Variants in FBXO9 observed in about 807,000 individuals in gnomAD.
The protein encoded by FBXO9 is F-box protein 9.
A neutral mutation model predicts 63.7 loss-of-function variants in FBXO9; 43 were observed. The observed-to-expected ratio is 0.67, with a 90% CI of 0.53 to 0.87. The LOEUF is 0.87. Among genes scored for constraint, FBXO9 ranks in the 40% least tolerant of loss-of-function variants. FBXO9 has a pLI of 0.00. For missense variants in FBXO9, 442 were observed against 533.2 expected, an observed-to-expected ratio of 0.83 and a Z score of 1.68; for synonymous variants, 156 against 171.7, an observed-to-expected ratio of 0.91 and a Z score of 0.72.
Position 53,066,167 on chromosome 6 carries a change from C to T in FBXO9, c.3+375C>T, listed in dbSNP as rs773408479. On this transcript the variant is annotated intron_variant, in intron 1 of 12. Coordinates refer to ENST00000323557, the MANE Select transcript of FBXO9 (RefSeq NM_033480.3). ...TAGATTGAGGTAAGCTGTCACAGCG[C>T]CTGAATTCGGGAGGGAGCTCTGGCA... 1.9e-5 allele frequency: 20 copies of T among 1,041,546 alleles called. No individual in the cohort carries two copies. In the African/African-American group the frequency reaches 3.0e-4, roughly 16 times the overall value. The allele number at this position is 1,041,546 out of a possible 1,614,324, so 64.5% of individuals were successfully genotyped here. A position where few individuals can be genotyped will look rare whatever the true frequency, so the allele number is the denominator to read the frequency against.
chr6:53,068,826 T>A (rs1015203855), intron 1 of FBXO9, among the ~76,000 whole-genome samples: 2 of 152,122 alleles, frequency 1.3e-5, no homozygotes, highest in African/African-American at 4.8e-5. Flanking sequence ...ATTTTTGTAT[T>A]TTTTGTAGAG....
intron 1 of FBXO9, 162 bp from the exon 2 acceptor site, chr6:53,070,894 AG>A (rs1346147144): frequency 9.3e-7 from 1 of 1,074,734 alleles, no homozygotes; most frequent in African/African-American, 1.6e-5. Context: ...GGAAATTAAT[AG>A]TAAGGTCTCA....
At chr6:53,075,329 T>C (rs1769058382) in intron 3 of FBXO9, among the ~76,000 whole-genome samples, 1 of 150,908 alleles carries the variant, frequency 6.6e-6, no homozygotes, top group Admixed American at 6.6e-5. Flanking sequence ...AATTTGTATT[T>C]TGTATCTAGA....
chr6:53,076,489 C>A lies in FBXO9; in HGVS notation c.253C>A (p.Arg85=), dbSNP rs758746221. The part of the protein sequence containing the change: ...KQEQAKEEKA[R]ELFLKAVEEE... ...TTTTTACTTTATATTTTTATAGGCT[C>A]GAGAACTCTTCCTAAAAGCAGTAGA... The change falls in exon 4 of 13, where the codon CGA becomes AGA. Residue 85 remains arginine, a synonymous_variant. Coordinates refer to ENST00000323557, the MANE Select transcript of FBXO9 (RefSeq NM_033480.3). 2 of 1,540,306 alleles carry A rather than the reference C, an allele frequency of 1.3e-6. No homozygotes were observed. The highest frequency in any genetic ancestry group is 2.8e-5 in the African/African-American group (2 of 70,238).
chr6:53,097,786 G>A lies in FBXO9; in HGVS notation c.1270G>A (p.Ala424Thr), dbSNP rs1290789368. The A allele has an allele frequency of 7.5e-6, 12 of 1,608,570 alleles. No individual in the cohort carries two copies. Among genetic ancestry groups the A allele is most frequent in the African/African-American group, 1.3e-5 (1 of 74,382 alleles). Residue 424 changes from alanine to threonine, a missense_variant, in exon 13 of 13, where the codon GCC (alanine) becomes ACC (threonine). By Grantham distance (58) the Ala-to-Thr change is moderately conservative. Transcript: ENST00000323557. ...IDKMYTPLFF[A>T]RVRSYTAFSE... The stretch of plus-strand genomic sequence containing the variant: ...CAAGATGTACACCCCCTTGTTCTTC[G>A]CCAGAGTAAGGAGCTACACAGCTTT...
intron 12 of FBXO9, among the ~76,000 whole-genome samples, chr6:53,097,066 C>T (rs144252678): frequency 5.3e-4 from 80 of 152,166 alleles, no homozygotes; most frequent in Non-Finnish European, 1.0e-3. Context: ...ACATTGACTT[C>T]CTTGTAATAT....
Position 53,080,970 on chromosome 6 carries a change from T to C in FBXO9, c.410T>C (p.Ile137Thr). 1 of 1,613,716 alleles carries C rather than the reference T, an allele frequency of 6.2e-7. No individual in the cohort carries two copies. Residue 137 changes from isoleucine (I) to threonine (T), a missense_variant and splice_region_variant, in exon 6 of 13, where the codon ATT becomes ACT. Physicochemically the swap from Ile to Thr is moderately conservative, Grantham distance 89. Around this residue, in one of 2 missense-constraint regions of FBXO9, gnomAD observed 180 missense variants for 171.1 expected, o/e 1.05. Coordinates refer to ENST00000323557, the MANE Select transcript of FBXO9 (RefSeq NM_033480.3). ...TTTATTCACCTCCCTTTTTTCAGCA[T>C]TGAAGATAATGATGATGACAGCAAA... ...PDGDGVGNSY[I>T]EDNDDDSKMA...
At position 53,065,802 on chromosome 6, in the gene FBXO9, C is replaced by A. The variant is rs919433017; in HGVS notation, c.3+10C>A. ...CCGCCCCGCCAGCATGGTAACCTGGCCAGGGGGCTCGAGGGTGGACGCCGC... is the reference window on the plus strand; with the variant it reads ...CCGCCCCGCCAGCATGGTAACCTGGACAGGGGGCTCGAGGGTGGACGCCGC... On this transcript the variant is annotated intron_variant, in intron 1 of 12. Coordinates refer to ENST00000323557, the MANE Select transcript of FBXO9 (RefSeq NM_033480.3). 1 of 1,368,874 alleles carries A rather than the reference C, an allele frequency of 7.3e-7. No homozygotes were observed. Among genetic ancestry groups the A allele is most frequent in the Non-Finnish European group, 9.4e-7 (1 of 1,059,454 alleles). The allele number at this position is 1,368,874 out of a possible 1,614,324, so 84.8% of individuals were successfully genotyped here. A position where few individuals can be genotyped will look rare whatever the true frequency, so the allele number is the denominator to read the frequency against.
At chr6:53,086,081 G>A (rs1237764481) in intron 7 of FBXO9, among the ~76,000 whole-genome samples, 2 of 152,186 alleles carry the variant, frequency 1.3e-5, no homozygotes, top group Admixed American at 6.5e-5. Context: ...CCCGGTAGGC[G>A]GAGGTTGCGG....
At chr6:53,070,013 T>C (rs1768852787) in intron 1 of FBXO9, among the ~76,000 whole-genome samples, 1 of 150,096 alleles carries the variant, frequency 6.7e-6, no homozygotes, top group Non-Finnish European at 1.5e-5. Context: ...TCTTTTCTTT[T>C]TTCCTTTTTT....
chr6:53,092,084 G>A, intron 7 of FBXO9: 1 of 218,678 alleles, frequency 4.6e-6, no homozygotes, highest in Non-Finnish European at 9.2e-6. Flanking sequence ...CCTTGCACAT[G>A]CTCTGGTTGC....
intron 7 of FBXO9, among the ~76,000 whole-genome samples, chr6:53,087,260 C>T (rs535949415): frequency 4.0e-5 from 6 of 149,256 alleles, no homozygotes; most frequent in East Asian, 2.0e-4. Flanking sequence ...GAGGATCACC[C>T]GAGCCCAGGA....
intron 7 of FBXO9, among the ~76,000 whole-genome samples, chr6:53,089,700 AGGG>A (rs1250124256): frequency 3.3e-5 from 5 of 152,218 alleles, no homozygotes; most frequent in African/African-American, 1.2e-4. Flanking sequence ...TCATCTCAAA[AGGG>A]ATGTATGGTC....
chr6:53,073,556 C>T lies in FBXO9; in HGVS notation c.166C>T (p.Arg56Ter), dbSNP rs1445903504. 6.2e-7 allele frequency: 1 copy of T among 1,612,948 alleles called. No individual in the cohort carries two copies. The highest frequency in any genetic ancestry group is 8.5e-7 in the Non-Finnish European group (1 of 1,179,428). ...TGTAAGCTCTAGCAATTTAGAAAAT[C>T]GACCTTGCAGAGCAGCAAGAGGCTC... ...PGVSSSNLEN[R>*]PCRAARGSLQ... Residue 56 changes from arginine (R) to a stop codon, truncating the protein, a stop_gained, in exon 3 of 13, where the codon CGA (arginine) becomes TGA (stop). Coordinates refer to ENST00000323557, the MANE Select transcript of FBXO9 (RefSeq NM_033480.3). LOFTEE classifies it high-confidence loss of function.
chr6:53,071,888 T>A (rs147883495), intron 2 of FBXO9, among the ~76,000 whole-genome samples: 64 of 152,364 alleles, frequency 4.2e-4, no homozygotes, highest in African/African-American at 1.5e-3. Flanking sequence ...GCATTGTTTA[T>A]CTGGAAAAAC....
At chr6:53,069,326 A>G (rs1405872754) in intron 1 of FBXO9, among the ~76,000 whole-genome samples, 1 of 152,224 alleles carries the variant, frequency 6.6e-6, no homozygotes, top group Non-Finnish European at 1.5e-5. Context: ...ATAAAGAAGC[A>G]ATGTTGTATT....
At position 53,073,488 on chromosome 6, in the gene FBXO9, T is replaced by G; in HGVS notation, c.98T>G (p.Leu33Arg). 6.2e-7 allele frequency: 1 copy of G among 1,613,584 alleles called. No homozygotes were observed. The highest frequency in any genetic ancestry group is 8.5e-7 in the Non-Finnish European group (1 of 1,179,676). The change falls in exon 3 of 13, where the codon CTC (leucine) becomes CGC (arginine). Residue 33 changes from leucine to arginine, a missense_variant. Coordinates refer to ENST00000323557, the MANE Select transcript of FBXO9 (RefSeq NM_033480.3). ...ATGCTGTTCTCCCCATAGGCACAAC[T>G]CCAGATGTTCCGAGCTCAGTGGATG... ...SPAETDLQAQ[L>R]QMFRAQWMFE...
In FBXO9 at chr6:53,071,026, G is replaced by T. The variant is rs373570237; in HGVS notation, c.4-31G>T. On this transcript the variant is annotated intron_variant, in intron 1 of 12. Transcript: ENST00000323557. The stretch of plus-strand genomic sequence containing the variant: ...CAGAGGGCAACTGGTGTGTTTATAT[G>T]CCTGACATTATTTGGGTTTTCCCCC... 4.5e-6 allele frequency: 7 copies of T among 1,557,050 alleles called. No homozygotes were observed. In the African/African-American group the frequency reaches 8.2e-5, roughly 18 times the overall value.
chr6:53,069,509 A>G (rs1768834150), intron 1 of FBXO9, among the ~76,000 whole-genome samples: 1 of 152,218 alleles, frequency 6.6e-6, no homozygotes, highest in Non-Finnish European at 1.5e-5. Context: ...ATACAACATG[A>G]CCTATGAGGC....
Sources: gnomAD v4.1 joint callset for allele counts (sites outside exome capture counted in the v4.1 genomes callset) on GRCh38, gnomAD v4.1.1 for gene constraint, gnomAD v4.1.1 regional missense constraint, MANE v1.5 for transcripts, NCBI Gene and HGNC (gene_info 2026-07-23, HGNC 2026-07-21) for gene names.